DYSF: variants seen among roughly 807,000 people sequenced by gnomAD.
DYSF encodes the protein dysferlin.
Under a neutral mutation model 274.9 loss-of-function variants are expected in DYSF, and 212 were observed. That is an observed-to-expected ratio of 0.77 (90% CI 0.69 to 0.86). DYSF has a LOEUF of 0.86. Among genes scored for constraint, DYSF ranks in the 40% least tolerant of loss-of-function variants. DYSF has a pLI of 0.00. For missense variants in DYSF, 2,666 were observed against 2,783.2 expected (o/e 0.96, Z 0.95); for synonymous variants, 1,091 against 1,078.7 (o/e 1.01, Z -0.22).
At chr2:71,583,314 C>T (rs923368142) in intron 30 of DYSF, among the ~76,000 whole-genome samples, 3 of 152,200 alleles carry the variant, frequency 2.0e-5, no homozygotes, top group African/African-American at 4.8e-5. Flanking sequence ...AGTGCCCCTT[C>T]CAACAGCCCT....
Position 71,672,966 on chromosome 2 carries a change from G to C in DYSF, c.5785-1231G>C, listed in dbSNP as rs2095156126. 2.0e-5 allele frequency among the ~76,000 whole-genome samples: 3 copies of C among 152,228 alleles called. No individual in the cohort carries two copies. The South Asian group carries it at 6.2e-4, about 32-fold the overall frequency. ...TAGTCCTCACGGGGCAGGGGTCATGGTCTTCGGTTCGGGAGCTCACTGGGA... is the reference window on the plus strand; with the variant it reads ...TAGTCCTCACGGGGCAGGGGTCATGCTCTTCGGTTCGGGAGCTCACTGGGA... On this transcript the variant is annotated intron_variant, in intron 51 of 55. Transcript: ENST00000410020.
intron 17 of DYSF, among the ~76,000 whole-genome samples, chr2:71,543,590 G>T (rs991271166): frequency 6.6e-6 from 1 of 152,180 alleles, no homozygotes; most frequent in Non-Finnish European, 1.5e-5. Context: ...CTGAGTGAAC[G>T]AGACTCCATC....
rs770003593 is a variant in DYSF, at chr2:71,679,070, C to G, written c.5898C>G (p.Leu1966=). ...TCTCTGTTGCAGGCTCCCTGCAGCT[C>G]GATCTCAACCGCATGCCCAAGCCAG... ...SFDDFLGSLQ[L]DLNRMPKPAK... is the part of the protein sequence containing the mutation. The change falls in exon 53 of 56, where the codon CTC becomes CTG. Residue 1966 remains leucine (L), a synonymous_variant. Transcript: ENST00000410020. 4 of 1,613,810 alleles carry G rather than the reference C, an allele frequency of 2.5e-6. No homozygotes were observed. The highest frequency in any genetic ancestry group is 3.4e-6 in the Non-Finnish European group (4 of 1,179,876).
chr2:71,477,199 T>G (rs1466877433), intron 1 of DYSF, among the ~76,000 whole-genome samples: 1 of 152,000 alleles, frequency 6.6e-6, no homozygotes, highest in African/African-American at 2.4e-5. Context: ...AGTGTCTCCC[T>G]GAGGGAAAGT....
At chr2:71,671,500 G>GA (rs1232414267) in intron 51 of DYSF, among the ~76,000 whole-genome samples, 1 of 152,262 alleles carries the variant, frequency 6.6e-6, no homozygotes, top group East Asian at 1.9e-4. Context: ...TGGAGACTGA[G>GA]ACCGAGAGGA....
intron 41 of DYSF, among the ~76,000 whole-genome samples, chr2:71,638,047 C>G (rs2559084): frequency 0.64 from 96,406 of 151,692 alleles, 31,078 homozygotes; most frequent in Middle Eastern, 0.71. Flanking sequence ...GAATTGCAGC[C>G]AAGAGGGGAA....
At chr2:71,596,912 T>A (rs914466854) in intron 32 of DYSF, among the ~76,000 whole-genome samples, 10 of 152,098 alleles carry the variant, frequency 6.6e-5, no homozygotes, top group Non-Finnish European at 1.5e-4. Flanking sequence ...TAAAATCAGC[T>A]CTTTGGGCAA....
chr2:71,674,031 C>T (rs111724885), intron 51 of DYSF, among the ~76,000 whole-genome samples, 166 bp from the exon 52 acceptor site: 12 of 152,298 alleles, frequency 7.9e-5, no homozygotes, highest in African/African-American at 2.9e-4. Context: ...ACACTGCCTT[C>T]TGGGATCTGT....
At chr2:71,674,403 T>C (rs1248754210) in intron 52 of DYSF, 107 bp downstream of exon 52, 3 of 1,074,202 alleles carry the variant, frequency 2.8e-6, no homozygotes, top group African/African-American at 3.1e-5. Flanking sequence ...GCAGGAGGAG[T>C]GATCCCACTT....
At chr2:71,647,984 C>T (rs2094593381) in intron 42 of DYSF, among the ~76,000 whole-genome samples, 1 of 152,138 alleles carries the variant, frequency 6.6e-6, no homozygotes, top group Non-Finnish European at 1.5e-5. Context: ...AGAGGTGGAG[C>T]TACACAAGAA....
intron 23 of DYSF, among the ~76,000 whole-genome samples, chr2:71,563,731 G>A (rs2091920442): frequency 6.6e-6 from 1 of 152,180 alleles, no homozygotes; most frequent in South Asian, 2.1e-4. Context: ...CTACCTGGTA[G>A]CGAGGACCTA....
At chr2:71,496,619 G>A (rs2084427156) in intron 3 of DYSF, among the ~76,000 whole-genome samples, 1 of 152,072 alleles carries the variant, frequency 6.6e-6, no homozygotes, top group African/African-American at 2.4e-5. Flanking sequence ...ACAGGGGAAT[G>A]TGGGCCCTGA....
At chr2:71,657,381 AG>A (rs1303828728) in intron 43 of DYSF, among the ~76,000 whole-genome samples, 3 of 152,098 alleles carry the variant, frequency 2.0e-5, no homozygotes, top group Non-Finnish European at 4.4e-5. Flanking sequence ...TGAGTGTCTG[AG>A]GCTTTTCCAG....
At chr2:71,631,046 T>C (rs186122798) in intron 41 of DYSF, among the ~76,000 whole-genome samples, 10 of 152,318 alleles carry the variant, frequency 6.6e-5, no homozygotes, top group African/African-American at 2.2e-4. Context: ...TTCCCTTAAT[T>C]CCAGGTTGGG....
intron 12 of DYSF, 43 bp downstream of exon 12, chr2:71,520,947 G>A (rs751881651): frequency 3.2e-6 from 5 of 1,579,298 alleles, no homozygotes; most frequent in East Asian, 4.5e-5. Context: ...CCCCCACGCG[G>A]CACTTGGTTG....
At chr2:71,644,231 G>A (rs1324318308) in intron 42 of DYSF, among the ~76,000 whole-genome samples, 168 bp downstream of exon 42, 2 of 152,138 alleles carry the variant, frequency 1.3e-5, no homozygotes, top group Admixed American at 6.6e-5. Flanking sequence ...GCCACCCACC[G>A]ATTTACAGCC....
At chr2:71,475,187 C>T (rs1311634189) in intron 1 of DYSF, among the ~76,000 whole-genome samples, 2 of 152,168 alleles carry the variant, frequency 1.3e-5, no homozygotes, top group Non-Finnish European at 2.9e-5. Context: ...CCCCACATGG[C>T]GCCTCCTTTC....
rs185119682 is a variant in DYSF, at chr2:71,539,161, C to A, written c.1498C>A (p.Arg500Ser). Reference protein sequence around the residue: ...KMRIRIIDWDRLTHNDIVATT... With the variant: ...KMRIRIIDWDSLTHNDIVATT... ...CTCTCTGCTCCCTTGCTCTAGGGAC[C>A]GCCTGACTCACAATGACATCGTGGC... is the stretch of plus-strand genomic sequence containing the variant. The change falls in exon 17 of 56, where the codon CGC becomes AGC. Residue 500 changes from arginine (R) to serine (S), a missense_variant. Arg to Ser is a moderately radical substitution (Grantham distance 110). Around this residue, in one of 3 missense-constraint regions of DYSF, gnomAD observed 794 missense variants for 777.1 expected, o/e 1.02. Coordinates refer to ENST00000410020, the MANE Select transcript of DYSF (RefSeq NM_001130987.2). The A allele has an allele frequency of 1.2e-6, 2 of 1,613,972 alleles. No homozygotes were observed. Among genetic ancestry groups the A allele is most frequent in the Non-Finnish European group, 1.7e-6 (2 of 1,179,966 alleles).
At position 71,513,640 on chromosome 2, in the gene DYSF, CT is replaced by C. The variant is rs199799717; in HGVS notation, c.554-75del. On this transcript the variant is annotated intron_variant, in intron 6 of 55. Coordinates refer to ENST00000410020, the MANE Select transcript of DYSF (RefSeq NM_001130987.2). ...CCATGCCTTTTGGATCTTCTGCCCC[CT>C]GGGCTGGGTCCCAGGGGCAGGGGCA... is the stretch of plus-strand genomic sequence containing the variant. 3,010 of 1,508,142 alleles carry C rather than the reference CT, an allele frequency of 2.0e-3. 60 individuals are homozygous for C. The African/African-American group carries it at 0.037, about 18-fold the overall frequency. 93.4% of individuals were successfully genotyped at this position (1,508,142 alleles called of 1,614,324 possible).
Sources: allele counts gnomAD v4.1 joint callset (sites outside exome capture counted in the v4.1 genomes callset), GRCh38; gene constraint gnomAD v4.1.1; regional missense constraint gnomAD v4.1.1; transcripts MANE v1.5; gene names NCBI Gene and HGNC (gene_info 2026-07-23, HGNC 2026-07-21).